Variants in ADGRA2 observed in about 807,000 individuals in gnomAD.
The protein encoded by ADGRA2 is G-protein coupled receptor 124.
ADGRA2 carries 61 observed loss-of-function variants against 98.7 expected under a neutral mutation model. The observed-to-expected ratio is 0.62, with a 90% CI of 0.50 to 0.76. The LOEUF (loss-of-function observed/expected upper bound fraction) is 0.76, where lower values mean the gene tolerates loss of function less well. Among genes scored for constraint, ADGRA2 ranks in the 30% least tolerant of loss-of-function variants. The pLI, the probability that ADGRA2 is intolerant of heterozygous loss-of-function variation, is 0.00. For missense variants in ADGRA2, 1,712 were observed against 1,860.0 expected, an observed-to-expected ratio of 0.92 and a Z score of 1.46; for synonymous variants, 858 against 831.5, an observed-to-expected ratio of 1.03 and a Z score of -0.55.
chr8:37,805,922 G>A (rs1804646160), intron 1 of ADGRA2, among the ~76,000 whole-genome samples: 1 of 151,978 alleles, frequency 6.6e-6, no homozygotes, highest in Non-Finnish European at 1.5e-5. Flanking sequence ...AGCTGGGCAT[G>A]GTGGCATACT....
intron 13 of ADGRA2, among the ~76,000 whole-genome samples, chr8:37,836,090 CACACA>C (rs1291599305): frequency 9.0e-5 from 12 of 133,442 alleles, no homozygotes; most frequent in African/African-American, 1.2e-4. Flanking sequence ...CACACACACA[CACACA>C]CACCCCACAG....
intron 1 of ADGRA2, among the ~76,000 whole-genome samples, chr8:37,801,402 G>A (rs563977629): frequency 5.9e-5 from 9 of 152,088 alleles, no homozygotes; most frequent in South Asian, 2.1e-4. Flanking sequence ...AAGGTCCCAC[G>A]GGGGGTGGCT....
At chr8:37,826,447 T>A (rs1805285032) in intron 2 of ADGRA2, among the ~76,000 whole-genome samples, 1 of 152,100 alleles carries the variant, frequency 6.6e-6, no homozygotes. Context: ...TGTGTGCGCC[T>A]CACTGGGGGG....
rs1563351714 is a variant in ADGRA2, at chr8:37,836,080, CA to C, written c.2050+311del. 1.7e-3 allele frequency among the ~76,000 whole-genome samples: 254 copies of C among 151,086 alleles called. 3 individuals carry two copies. The highest frequency in any genetic ancestry group is 2.6e-3 in the Non-Finnish European group (175 of 67,794). On this transcript the variant is annotated intron_variant, in intron 13 of 18. Coordinates refer to ENST00000412232, the MANE Select transcript of ADGRA2 (RefSeq NM_032777.10). ...ACACACACACACACACACACACACA[CA>C]CACACACACACACACACCCCACAGG...
chr8:37,830,629 C>A lies in ADGRA2; in HGVS notation c.719-81C>A. 2.8e-6 allele frequency: 2 copies of A among 714,554 alleles called. No individual in the cohort carries two copies. The highest frequency in any genetic ancestry group is 4.8e-6 in the Non-Finnish European group (2 of 414,340). 44.3% of individuals were successfully genotyped at this position (714,554 alleles called of 1,614,324 possible). A position where few individuals can be genotyped will look rare whatever the true frequency, so the allele number is the denominator to read the frequency against. On this transcript the variant is annotated intron_variant, in intron 6 of 18. Transcript: ENST00000412232. This position sits in a 1 kb window ranked among gnomAD's most constrained non-coding sequence, Gnocchi z 4.8. ...CCGAGGGCCCCGCCCCGCCCCACCC[C>A]ATCCTGCTGGACTCTCGCTCACACG...
intron 1 of ADGRA2, among the ~76,000 whole-genome samples, chr8:37,801,415 T>C (rs1210202604): frequency 6.6e-6 from 1 of 152,100 alleles, no homozygotes; most frequent in Admixed American, 6.5e-5. Flanking sequence ...GGGTGGCTTA[T>C]GACAGGGAGA....
At position 37,842,785 on chromosome 8, in the gene ADGRA2, C is replaced by G. The variant is rs1805849951; in HGVS notation, c.*430C>G. 6.1e-6 allele frequency: 1 copy of G among 163,324 alleles called. No homozygotes were observed. 10.1% of individuals were successfully genotyped at this position (163,324 alleles called of 1,614,324 possible). Reference sequence around the variant, plus strand: ...CCTCCCTGCCCTCTACTGATTTCAGCCCAGCCCCTGCCTAGATCCTAGGTC... The same window carrying G: ...CCTCCCTGCCCTCTACTGATTTCAGGCCAGCCCCTGCCTAGATCCTAGGTC... On this transcript the variant is annotated 3_prime_UTR_variant, in exon 19 of 19. Coordinates refer to ENST00000412232, the MANE Select transcript of ADGRA2 (RefSeq NM_032777.10).
At chr8:37,829,624 A>G (rs1041841486) in intron 5 of ADGRA2, 65 bp downstream of exon 5, 1 of 1,212,286 alleles carries the variant, frequency 8.2e-7, no homozygotes, top group Non-Finnish European at 1.2e-6. Context: ...GGAGAGATGT[A>G]TAAGTATCAT....
At chr8:37,824,519 G>A in intron 2 of ADGRA2, among the ~76,000 whole-genome samples, 1 of 124,418 alleles carries the variant, frequency 8.0e-6, no homozygotes, top group South Asian at 2.5e-4. Context: ...TTGAGACTGA[G>A]TTTTGCTCTT....
At chr8:37,799,865 A>T (rs1044317401) in intron 1 of ADGRA2, among the ~76,000 whole-genome samples, 1 of 152,174 alleles carries the variant, frequency 6.6e-6, no homozygotes, top group Admixed American at 6.5e-5. Context: ...CCCCAGCCAC[A>T]GACTTACTGC....
In ADGRA2 at chr8:37,840,170, G is replaced by C. The variant is rs144437753; in HGVS notation, c.2561G>C (p.Gly854Ala). Residue 854 changes from glycine (G) to alanine (A), a missense_variant, in exon 17 of 19, where the codon GGC becomes GCC. Transcript: ENST00000412232. Reference sequence around the variant, plus strand: ...TCCCTATCCACGCTGCTCTGGATGGGCGTGAAGGCGCGAGTGCTCCATAAG... The same window carrying C: ...TCCCTATCCACGCTGCTCTGGATGGCCGTGAAGGCGCGAGTGCTCCATAAG... ...YSSLSTLLWM[G>A]VKARVLHKEL... 3.8e-5 allele frequency: 61 copies of C among 1,611,244 alleles called. No individual in the cohort carries two copies. In the Admixed American group the frequency reaches 5.2e-4, roughly 14 times the overall value.
At chr8:37,839,282 C>A (rs905488155) in intron 15 of ADGRA2, 199 bp downstream of exon 15, 3 of 654,428 alleles carry the variant, frequency 4.6e-6, no homozygotes, top group Non-Finnish European at 5.7e-6. Context: ...GGTTTTTTCC[C>A]CAGGTGGGTC....
intron 8 of ADGRA2, among the ~76,000 whole-genome samples, chr8:37,832,282 G>A (rs1356897403): frequency 6.6e-6 from 1 of 151,996 alleles, no homozygotes; most frequent in Non-Finnish European, 1.5e-5. Context: ...CGAACTCCTG[G>A]CCTCAAGTGA....
Position 37,841,409 on chromosome 8 carries a change from C to G in ADGRA2, c.3071C>G (p.Thr1024Ser), listed in dbSNP as rs568141708. 1.3e-5 allele frequency: 21 copies of G among 1,612,886 alleles called. No homozygotes were observed. The Admixed American group carries it at 2.5e-4, about 19-fold the overall frequency. ...GGAGTCCAGCTAGGGGCGCTGGTGA[C>G]CACGCACTTCCTGTACTTGGCCATG... is the stretch of plus-strand genomic sequence containing the variant. ...SPGVQLGALV[T>S]THFLYLAMWA... The change falls in exon 19 of 19, where the codon ACC becomes AGC. Residue 1024 changes from threonine (T) to serine (S), a missense_variant. Physicochemically the swap from Thr to Ser is moderately conservative, Grantham distance 58. Transcript: ENST00000412232. The surrounding 1 kb of genome is among the most constrained non-coding windows in gnomAD (Gnocchi z 5.0).
At chr8:37,828,481 C>CTTTTTTTT in intron 2 of ADGRA2, among the ~76,000 whole-genome samples, 1 of 82,986 alleles carries the variant, frequency 1.2e-5, no homozygotes, top group Non-Finnish European at 2.2e-5. Flanking sequence ...GGGGGTGGTT[C>CTTTTTTTT]TTTTTTTTTT....
chr8:37,816,644 G>A (rs1804990855), intron 2 of ADGRA2, among the ~76,000 whole-genome samples: 1 of 139,716 alleles, frequency 7.2e-6, no homozygotes, highest in South Asian at 2.3e-4. Context: ...ACGGCTGGGT[G>A]CAGTGGCTCG....
chr8:37,799,362 G>A (rs1015546281), intron 1 of ADGRA2, among the ~76,000 whole-genome samples: 3 of 149,560 alleles, frequency 2.0e-5, no homozygotes, highest in South Asian at 2.1e-4. Context: ...GCGACAGAGC[G>A]AGACTCCGTA....
At chr8:37,838,816 C>T (rs567742472) in intron 14 of ADGRA2, 140 bp from the exon 15 acceptor site, 20 of 1,005,038 alleles carry the variant, frequency 2.0e-5, no homozygotes, top group African/African-American at 4.9e-5. Context: ...GTGGACAGCC[C>T]GAAGCTTTCC....
Position 37,833,133 on chromosome 8 carries a change from C to T in ADGRA2, c.1221C>T (p.Gly407=). The T allele has an allele frequency of 6.2e-7, 1 of 1,613,124 alleles. No homozygotes were observed. The highest frequency in any genetic ancestry group is 8.5e-7 in the Non-Finnish European group (1 of 1,179,804). ...CCTCCCGCCGGTGTGACCGTGCCGG[C>T]CGCTGGGAGCCAGGGGACTACTCCC... ...TRASRRCDRA[G]RWEPGDYSHC... Residue 407 remains glycine, a synonymous_variant, in exon 9 of 19, where the codon GGC becomes GGT. Coordinates refer to ENST00000412232, the MANE Select transcript of ADGRA2 (RefSeq NM_032777.10).
Sources: gnomAD v4.1 joint callset for allele counts (sites outside exome capture counted in the v4.1 genomes callset) on GRCh38, gnomAD v4.1.1 for gene constraint, Gnocchi (gnomAD v3.1) non-coding constraint, MANE v1.5 for transcripts, NCBI Gene and HGNC (gene_info 2026-07-23, HGNC 2026-07-21) for gene names.